Variants in RLF observed in about 807,000 individuals in gnomAD.
RLF encodes zinc finger protein Rlf.
RLF carries 7 observed loss-of-function variants against 162.9 expected under a neutral mutation model. The ratio of observed to expected loss-of-function variants is 0.04; its 90% CI spans 0.02 to 0.08. RLF has a LOEUF of 0.08. Among genes scored for constraint, RLF ranks in the 10% least tolerant of loss-of-function variants. RLF has a pLI of 1.00. For synonymous variants in RLF, 782 were observed against 791.5 expected, an observed-to-expected ratio of 0.99 and a Z score of 0.20; for missense variants, 1,664 against 2,244.7, an observed-to-expected ratio of 0.74 and a Z score of 5.23.
intron 7 of RLF, 120 bp from the exon 8 acceptor site, chr1:40,235,672 G>T (rs771314946): frequency 6.0e-6 from 4 of 668,594 alleles, no homozygotes; most frequent in Non-Finnish European, 9.7e-6. Context: ...CATGAAGAAA[G>T]ATTTAAGATA....
chr1:40,240,065 A>G lies in RLF; in HGVS notation c.5363A>G (p.Asp1788Gly). ...QESEEKEDDF[D>G]DWEPSEHLTL... ...AGTGAAGAGAAAGAAGATGATTTTGATGATTGGGAGCCTTCAGAGCACTTA... is the reference window on the plus strand; with the variant it reads ...AGTGAAGAGAAAGAAGATGATTTTGGTGATTGGGAGCCTTCAGAGCACTTA... The change falls in exon 8 of 8, where the codon GAT (aspartate) becomes GGT (glycine). Residue 1788 changes from aspartate (D) to glycine (G), a missense_variant. Transcript: ENST00000372771. 6.2e-7 allele frequency: 1 copy of G among 1,614,104 alleles called. No individual in the cohort carries two copies. The highest frequency in any genetic ancestry group is 1.1e-5 in the South Asian group (1 of 91,076).
intron 6 of RLF, among the ~76,000 whole-genome samples, chr1:40,226,103 T>C (rs966258028): frequency 1.3e-5 from 2 of 152,140 alleles, no homozygotes; most frequent in Non-Finnish European, 2.9e-5. Context: ...GAACGGTTTT[T>C]ATTATTTTAG....
rs1286155076 is a variant in RLF, at chr1:40,239,837, A to C, written c.5135A>C (p.Tyr1712Ser). ...PNPNGTESGT[Y>S]FTSFQLPLPR... ...CCCAATGGGACTGAAAGTGGGACTTATTTCACAAGTTTCCAGCTGCCTTTA... is the reference window on the plus strand; with the variant it reads ...CCCAATGGGACTGAAAGTGGGACTTCTTTCACAAGTTTCCAGCTGCCTTTA... Residue 1712 changes from tyrosine to serine, a missense_variant, in exon 8 of 8, where the codon TAT becomes TCT. Physicochemically the swap from Tyr to Ser is moderately radical, Grantham distance 144. Coordinates refer to ENST00000372771, the MANE Select transcript of RLF (RefSeq NM_012421.4). 34 of 1,613,986 alleles carry C rather than the reference A, an allele frequency of 2.1e-5. No individual in the cohort carries two copies. The highest frequency in any genetic ancestry group is 2.9e-5 in the Non-Finnish European group (34 of 1,180,032).
intron 1 of RLF, among the ~76,000 whole-genome samples, chr1:40,168,523 G>A (rs151258535): frequency 2.8e-4 from 42 of 152,184 alleles, no homozygotes; most frequent in Non-Finnish European, 4.7e-4. Flanking sequence ...GATTACAGGC[G>A]TGAGCCATTG....
intron 6 of RLF, among the ~76,000 whole-genome samples, chr1:40,229,656 T>C (rs915413679): frequency 1.3e-5 from 2 of 151,534 alleles, no homozygotes; most frequent in East Asian, 2.0e-4. Context: ...GGTTTCACCA[T>C]GTTGGCCAGG....
intron 5 of RLF, among the ~76,000 whole-genome samples, chr1:40,219,433 GA>G (rs1421822139): frequency 6.6e-6 from 1 of 152,082 alleles, no homozygotes; most frequent in Non-Finnish European, 1.5e-5. Flanking sequence ...TAACAGATAT[GA>G]AAAAACTCTG....
At chr1:40,178,248 G>A (rs978104400) in intron 1 of RLF, among the ~76,000 whole-genome samples, 1 of 151,930 alleles carries the variant, frequency 6.6e-6, no homozygotes, top group African/African-American at 2.4e-5. Flanking sequence ...GTCTCATTCT[G>A]GATTCTATTC....
At chr1:40,181,758 T>C (rs1642407196) in intron 1 of RLF, among the ~76,000 whole-genome samples, 1 of 152,214 alleles carries the variant, frequency 6.6e-6, no homozygotes, top group Admixed American at 6.5e-5. Context: ...CTCCTCAGTC[T>C]GTCACCCTGT....
At chr1:40,171,880 G>GTAC (rs926842079) in intron 1 of RLF, among the ~76,000 whole-genome samples, 4 of 152,116 alleles carry the variant, frequency 2.6e-5, no homozygotes, top group African/African-American at 4.8e-5. Context: ...ATGTATTCCA[G>GTAC]TACTACCTTT....
intron 7 of RLF, among the ~76,000 whole-genome samples, chr1:40,233,722 C>A (rs1056209354): frequency 6.6e-6 from 1 of 152,176 alleles, no homozygotes; most frequent in African/African-American, 2.4e-5. Context: ...TAATGCCTCT[C>A]TTTCAAAAAA....
At chr1:40,185,106 G>A (rs567985960) in intron 1 of RLF, among the ~76,000 whole-genome samples, 1 of 151,986 alleles carries the variant, frequency 6.6e-6, no homozygotes, top group African/African-American at 2.4e-5. Flanking sequence ...GCTGGGCATG[G>A]TGATGCACTT....
In RLF at chr1:40,238,639, A is replaced by G; in HGVS notation, c.3937A>G (p.Ile1313Val). Reference protein sequence around the residue: ...LNKYHKPFHCIHKTCNSSFTN... With the variant: ...LNKYHKPFHCVHKTCNSSFTN... ...TAAATACCACAAACCATTCCATTGT[A>G]TTCATAAAACTTGCAACTCCTCATT... Residue 1313 changes from isoleucine (I) to valine (V), a missense_variant, in exon 8 of 8, where the codon ATT becomes GTT. This residue lies in a region of RLF where 33 missense variants were observed against 73.3 expected (regional missense o/e 0.45). Coordinates refer to ENST00000372771, the MANE Select transcript of RLF (RefSeq NM_012421.4). This position sits in a 1 kb window ranked among gnomAD's most constrained non-coding sequence, Gnocchi z 5.2. The G allele has an allele frequency of 6.2e-7, 1 of 1,613,420 alleles. No individual in the cohort carries two copies. Among genetic ancestry groups the G allele is most frequent in the South Asian group, 1.1e-5 (1 of 91,018 alleles).
chr1:40,231,851 A>C (rs1413890085), intron 7 of RLF, among the ~76,000 whole-genome samples, 193 bp downstream of exon 7: 1 of 152,182 alleles, frequency 6.6e-6, no homozygotes, highest in Admixed American at 6.5e-5. Flanking sequence ...TGATGGTCAA[A>C]CAAGTTAGGT....
chr1:40,236,450 C>G lies in RLF; in HGVS notation c.1748C>G (p.Thr583Ser). ...SKMHMEDGIY[T>S]CPVCIKKFKR... Reference sequence around the variant, plus strand: ...ATGCATATGGAAGATGGAATTTACACCTGTCCAGTTTGTATTAAAAAATTT... The same window carrying G: ...ATGCATATGGAAGATGGAATTTACAGCTGTCCAGTTTGTATTAAAAAATTT... Residue 583 changes from threonine to serine, a missense_variant, in exon 8 of 8, where the codon ACC becomes AGC. Coordinates refer to ENST00000372771, the MANE Select transcript of RLF (RefSeq NM_012421.4). This position sits in a 1 kb window ranked among gnomAD's most constrained non-coding sequence, Gnocchi z 7.7. 1 of 1,613,922 alleles carries G rather than the reference C, an allele frequency of 6.2e-7. No homozygotes were observed.
chr1:40,196,723 A>C (rs1234882000), intron 4 of RLF, among the ~76,000 whole-genome samples: 1 of 148,782 alleles, frequency 6.7e-6, no homozygotes, highest in Non-Finnish European at 1.5e-5. Context: ...CTGGTCTTGA[A>C]CTCCTAGACT....
At position 40,238,314 on chromosome 1, in the gene RLF, C is replaced by T. The variant is rs762772193; in HGVS notation, c.3612C>T (p.His1204=). 8 of 1,614,062 alleles carry T rather than the reference C, an allele frequency of 5.0e-6. No homozygotes were observed. Among genetic ancestry groups the T allele is most frequent in the Admixed American group, 1.7e-5 (1 of 60,024 alleles). ...AAATTGGCAGTGACAGAGCAACTCACAAACTATTAGATAATGAAAAGTGTG... is the reference window on the plus strand; with the variant it reads ...AAATTGGCAGTGACAGAGCAACTCATAAACTATTAGATAATGAAAAGTGTG... The part of the protein sequence containing the change: ...KHQIGSDRAT[H]KLLDNEKCDH... Residue 1204 remains histidine, a synonymous_variant, in exon 8 of 8, where the codon CAC becomes CAT. Transcript: ENST00000372771. This position sits in a 1 kb window ranked among gnomAD's most constrained non-coding sequence, Gnocchi z 5.2.
chr1:40,240,417 G>A lies in RLF; in HGVS notation c.5715G>A (p.Lys1905=). Residue 1905 remains lysine (K), a synonymous_variant, in exon 8 of 8, where the codon AAG becomes AAA. Transcript: ENST00000372771. ...TPILDLFPTK[K]TDELCVGSS Reference sequence around the variant, plus strand: ...TTTTAGACTTATTTCCAACAAAAAAGACAGATGAGCTTTGTGTAGGAAGTT... The same window carrying A: ...TTTTAGACTTATTTCCAACAAAAAAAACAGATGAGCTTTGTGTAGGAAGTT... 1 of 1,613,870 alleles carries A rather than the reference G, an allele frequency of 6.2e-7. No homozygotes were observed. Among genetic ancestry groups the A allele is most frequent in the East Asian group, 2.2e-5 (1 of 44,878 alleles).
intron 3 of RLF, among the ~76,000 whole-genome samples, chr1:40,194,410 A>T (rs1323722359): frequency 6.6e-6 from 1 of 152,082 alleles, no homozygotes; most frequent in African/African-American, 2.4e-5. Context: ...AGGCTGAGGC[A>T]GGTGGATCAC....
chr1:40,179,860 T>C (rs1430124627), intron 1 of RLF, among the ~76,000 whole-genome samples: 1 of 152,228 alleles, frequency 6.6e-6, no homozygotes, highest in African/African-American at 2.4e-5. Context: ...TTTGTCTTGT[T>C]GTGACTGCCA....
Sources: gnomAD v4.1 joint callset for allele counts (sites outside exome capture counted in the v4.1 genomes callset) on GRCh38, gnomAD v4.1.1 for gene constraint, gnomAD v4.1.1 regional missense constraint, Gnocchi (gnomAD v3.1) non-coding constraint, MANE v1.5 for transcripts, NCBI Gene and HGNC (gene_info 2026-07-23, HGNC 2026-07-21) for gene names.